Variants in MAS1 observed in about 807,000 individuals in gnomAD.
MAS1 encodes the protein proto-oncogene Mas.
For synonymous variants in MAS1, 163 were observed against 164.2 expected (o/e 0.99, Z 0.05); for missense variants, 387 against 409.7 (o/e 0.94, Z 0.48).
At position 159,907,215 on chromosome 6, in the gene MAS1, T is replaced by C. The variant is rs367886712; in HGVS notation, c.260T>C (p.Leu87Ser). The change falls in exon 3 of 3, where the codon TTG (leucine) becomes TCG (serine). Residue 87 changes from leucine (L) to serine (S), a missense_variant. Coordinates refer to ENST00000674077, the MANE Select transcript of MAS1 (RefSeq NM_002377.4). ...TCACTGCTCTTCTGTATTTTCATCT[T>C]GTCTATCGACTATGCTTTAGATTAT... ...DISLLFCIFI[L>S]SIDYALDYEL... The C allele has an allele frequency of 3.7e-6, 6 of 1,614,146 alleles. No homozygotes were observed. The African/African-American group carries it at 8.0e-5, about 22-fold the overall frequency.
In MAS1 at chr6:159,911,205, A is replaced by T. The variant is rs1782960092; in HGVS notation, c.*3272A>T. ...CTCAAATAGACATTTGCTGACCAGA[A>T]CCCTTTGCTGGGCTCCAGTCCTGTG... is the stretch of plus-strand genomic sequence containing the variant. On this transcript the variant is annotated 3_prime_UTR_variant, in exon 3 of 3. Coordinates refer to ENST00000674077, the MANE Select transcript of MAS1 (RefSeq NM_002377.4). 6.6e-6 allele frequency: 1 copy of T among 151,466 alleles called. No individual in the cohort carries two copies. Among genetic ancestry groups the T allele is most frequent in the African/African-American group, 2.4e-5 (1 of 41,122 alleles). 9.4% of individuals were successfully genotyped at this position (151,466 alleles called of 1,614,324 possible). A position where few individuals can be genotyped will look rare whatever the true frequency, so the allele number is the denominator to read the frequency against.
rs527686827 is a variant in MAS1, at chr6:159,892,139, C to T, written c.-244+1006C>T. Among the ~76,000 whole-genome samples the T allele has an allele frequency of 3.9e-5, 6 of 152,274 alleles. No individual in the cohort carries two copies. In the South Asian group the frequency reaches 8.3e-4, roughly 21 times the overall value. On this transcript the variant is annotated intron_variant, in intron 1 of 2. Transcript: ENST00000674077. ...AGGGAGCAAGAAGTCTCTGCTTCTG[C>T]GTACAGATGGCCCTAGTGTGGGGAA...
chr6:159,911,534 G>A lies in MAS1; in HGVS notation c.*3601G>A, dbSNP rs1294319664. The A allele has an allele frequency of 1.3e-5, 2 of 151,842 alleles. No homozygotes were observed. Among genetic ancestry groups the A allele is most frequent in the African/African-American group, 2.4e-5 (1 of 41,182 alleles). The allele number at this position is 151,842 out of a possible 1,614,324, so 9.4% of individuals were successfully genotyped here. A position where few individuals can be genotyped will look rare whatever the true frequency, so the allele number is the denominator to read the frequency against. On this transcript the variant is annotated 3_prime_UTR_variant, in exon 3 of 3. Coordinates refer to ENST00000674077, the MANE Select transcript of MAS1 (RefSeq NM_002377.4). ...TCTTTTTTCAGTGAAGTACACCGCTGGTCACCCTGTCCCCCTTGCTATGCT... is the reference window on the plus strand; with the variant it reads ...TCTTTTTTCAGTGAAGTACACCGCTAGTCACCCTGTCCCCCTTGCTATGCT...
chr6:159,900,871 A>T (rs1245943219), intron 2 of MAS1, among the ~76,000 whole-genome samples: 2 of 152,200 alleles, frequency 1.3e-5, no homozygotes, highest in African/African-American at 4.8e-5. Flanking sequence ...TGCAAAAAGG[A>T]TAAGGTCCTG....
chr6:159,893,871 G>A lies in MAS1; in HGVS notation c.-244+2738G>A, dbSNP rs141148414. Among the ~76,000 whole-genome samples, 169 of 152,250 alleles carry A rather than the reference G, an allele frequency of 1.1e-3. 1 individual carries two copies. The highest frequency in any genetic ancestry group is 3.8e-3 in the African/African-American group (157 of 41,542). On this transcript the variant is annotated intron_variant, in intron 1 of 2. Coordinates refer to ENST00000674077, the MANE Select transcript of MAS1 (RefSeq NM_002377.4). ...CTGAAAGGAACCAGGGCTCCTTGGAGAAATGGCTGATTCTAGGCACTAGGG... is the reference window on the plus strand; with the variant it reads ...CTGAAAGGAACCAGGGCTCCTTGGAAAAATGGCTGATTCTAGGCACTAGGG...
At position 159,916,181 on chromosome 6, in the gene MAS1, A is replaced by G. The variant is rs1323343418; in HGVS notation, c.*8248A>G. 1 of 152,284 alleles carries G rather than the reference A, an allele frequency of 6.6e-6. No individual in the cohort carries two copies. Among genetic ancestry groups the G allele is most frequent in the East Asian group, 1.9e-4 (1 of 5,204 alleles). 9.4% of individuals were successfully genotyped at this position (152,284 alleles called of 1,614,324 possible). A position where few individuals can be genotyped will look rare whatever the true frequency, so the allele number is the denominator to read the frequency against. On this transcript the variant is annotated 3_prime_UTR_variant, in exon 3 of 3. Coordinates refer to ENST00000674077, the MANE Select transcript of MAS1 (RefSeq NM_002377.4). ...CAAGGAAATTCTGTGTAAACTTTCAAGCATCAAGCAAATGTTAGTTATTTC... is the reference window on the plus strand; with the variant it reads ...CAAGGAAATTCTGTGTAAACTTTCAGGCATCAAGCAAATGTTAGTTATTTC...
At chr6:159,904,375 C>T (rs1782857868) in intron 2 of MAS1, among the ~76,000 whole-genome samples, 1 of 152,212 alleles carries the variant, frequency 6.6e-6, no homozygotes, top group Non-Finnish European at 1.5e-5. Context: ...GCCTGGCTGC[C>T]TCACAGGCTT....
rs2115120128 is a variant in MAS1 at position 159,908,342 on chromosome 6, C to T, written c.*409C>T. 1 of 155,582 alleles carries T rather than the reference C, an allele frequency of 6.4e-6. No individual in the cohort carries two copies. Among genetic ancestry groups the T allele is most frequent in the Middle Eastern group, 3.3e-3 (1 of 306 alleles). The allele number at this position is 155,582 out of a possible 1,614,324, so 9.6% of individuals were successfully genotyped here. ...AACCTCTCAGAGCCTCATTTTCTCA[C>T]TCATAAAATGGTTGCGGCAATAGTC... On this transcript the variant is annotated 3_prime_UTR_variant, in exon 3 of 3. Transcript: ENST00000674077.
At chr6:159,894,759 C>T (rs1782737012) in intron 1 of MAS1, among the ~76,000 whole-genome samples, 1 of 152,192 alleles carries the variant, frequency 6.6e-6, no homozygotes, top group Non-Finnish European at 1.5e-5. Context: ...TGAATTGCCC[C>T]CTCTGACATC....
Position 159,910,811 on chromosome 6 carries a change from C to T in MAS1, c.*2878C>T, listed in dbSNP as rs1782956726. 1 of 152,228 alleles carries T rather than the reference C, an allele frequency of 6.6e-6. No homozygotes were observed. Among genetic ancestry groups the T allele is most frequent in the South Asian group, 2.1e-4 (1 of 4,828 alleles). 9.4% of individuals were successfully genotyped at this position (152,228 alleles called of 1,614,324 possible). On this transcript the variant is annotated 3_prime_UTR_variant, in exon 3 of 3. Transcript: ENST00000674077. ...GTCCTGACTCTTGCCACAATTCACC[C>T]CTCAACATCCTGCCATTTGTCTTGC...
intron 2 of MAS1, among the ~76,000 whole-genome samples, chr6:159,901,834 C>G (rs1401304053): frequency 7.2e-6 from 1 of 138,564 alleles, no homozygotes; most frequent in African/African-American, 2.7e-5. Context: ...GCCTGGGCAA[C>G]AGAGCAAGAC....
chr6:159,905,065 T>A (rs1354853649), intron 2 of MAS1, among the ~76,000 whole-genome samples: 1 of 152,230 alleles, frequency 6.6e-6, no homozygotes, highest in Non-Finnish European at 1.5e-5. Flanking sequence ...GCTTTACTTT[T>A]TTCCATAGAA....
Position 159,900,477 on chromosome 6 carries a change from CAGTT to C in MAS1, c.-37+1086_-37+1089del, listed in dbSNP as rs1239350782. Among the ~76,000 whole-genome samples the C allele has an allele frequency of 5.9e-5, 9 of 152,180 alleles. No homozygotes were observed. The South Asian group carries it at 6.2e-4, about 10-fold the overall frequency. On this transcript the variant is annotated intron_variant, in intron 2 of 2. Coordinates refer to ENST00000674077, the MANE Select transcript of MAS1 (RefSeq NM_002377.4). ...CTATTTCACTTCAGAGACCGAAACT[CAGTT>C]GGTTGGGTAAGACTGGGAATGTGAT...
chr6:159,889,035 C>T (rs1407563703), upstream of MAS1, among the ~76,000 whole-genome samples: 1 of 152,172 alleles, frequency 6.6e-6, no homozygotes, highest in Non-Finnish European at 1.5e-5. Context: ...ACAACTGGGG[C>T]CTTCCGCCAC....
At position 159,906,489 on chromosome 6, in the gene MAS1, C is replaced by T. The variant is rs150318781; in HGVS notation, c.-36-431C>T. On this transcript the variant is annotated intron_variant, in intron 2 of 2. Coordinates refer to ENST00000674077, the MANE Select transcript of MAS1 (RefSeq NM_002377.4). Reference sequence around the variant, plus strand: ...CCAGACATGCGTTTTGTCATCAAGTCTTAATGCAGTCCACCTGGTCCCTCA... The same window carrying T: ...CCAGACATGCGTTTTGTCATCAAGTTTTAATGCAGTCCACCTGGTCCCTCA... Among the ~76,000 whole-genome samples the T allele has an allele frequency of 2.0e-5, 3 of 152,338 alleles. No homozygotes were observed. The East Asian group carries it at 5.8e-4, about 29-fold the overall frequency.
Position 159,894,238 on chromosome 6 carries a change from A to G in MAS1, c.-244+3105A>G, listed in dbSNP as rs1191053584. Reference sequence around the variant, plus strand: ...GAGCCTGCAGACTGGCCAACACGGCAAAACTCCGTTTCTACTAAAAATACC... The same window carrying G: ...GAGCCTGCAGACTGGCCAACACGGCGAAACTCCGTTTCTACTAAAAATACC... On this transcript the variant is annotated intron_variant, in intron 1 of 2. Transcript: ENST00000674077. 3.9e-5 allele frequency among the ~76,000 whole-genome samples: 6 copies of G among 151,982 alleles called. No individual in the cohort carries two copies. The East Asian group carries it at 9.6e-4, about 24-fold the overall frequency.
At position 159,917,266 on chromosome 6, in the gene MAS1, A is replaced by G. The variant is rs1305388069; in HGVS notation, c.*9333A>G. On this transcript the variant is annotated 3_prime_UTR_variant, in exon 3 of 3. Transcript: ENST00000674077. ...AAGTGGAGAAATTCTGTTTTGGATTAATCACAAGGAGATTTAAAAAACGAG... is the reference window on the plus strand; with the variant it reads ...AAGTGGAGAAATTCTGTTTTGGATTGATCACAAGGAGATTTAAAAAACGAG... Among the ~76,000 whole-genome samples the G allele has an allele frequency of 6.6e-6, 1 of 152,214 alleles. No individual in the cohort carries two copies. Among genetic ancestry groups the G allele is most frequent in the Non-Finnish European group, 1.5e-5 (1 of 68,026 alleles).
chr6:159,907,870 T>A lies in MAS1; in HGVS notation c.915T>A (p.Asp305Glu), dbSNP rs1782915940. Residue 305 changes from aspartate to glutamate, a missense_variant, in exon 3 of 3, where the codon GAT becomes GAA. Physicochemically the swap from Asp to Glu is conservative, Grantham distance 45 (BLOSUM62 2). Coordinates refer to ENST00000674077, the MANE Select transcript of MAS1 (RefSeq NM_002377.4). ...TTGTTCTGACCAGGGCTTTCAAAGA[T>A]GAAATGCAACCTCGGCGCCAGAAAG... ...LKVVLTRAFK[D>E]EMQPRRQKDN... The A allele has an allele frequency of 6.2e-7, 1 of 1,611,364 alleles. No homozygotes were observed. Among genetic ancestry groups the A allele is most frequent in the East Asian group, 2.2e-5 (1 of 44,750 alleles).
rs778220861 is a variant in MAS1 at position 159,907,855 on chromosome 6, C to G, written c.900C>G (p.Thr300=). 1 of 1,611,478 alleles carries G rather than the reference C, an allele frequency of 6.2e-7. No homozygotes were observed. Among genetic ancestry groups the G allele is most frequent in the East Asian group, 2.2e-5 (1 of 44,784 alleles). ...RFKESLKVVL[T]RAFKDEMQPR... Reference sequence around the variant, plus strand: ...AGGAGTCCTTAAAAGTTGTTCTGACCAGGGCTTTCAAAGATGAAATGCAAC... The same window carrying G: ...AGGAGTCCTTAAAAGTTGTTCTGACGAGGGCTTTCAAAGATGAAATGCAAC... The change falls in exon 3 of 3, where the codon ACC becomes ACG. Residue 300 remains threonine (T), a synonymous_variant. Transcript: ENST00000674077.
Sources: allele counts gnomAD v4.1 joint callset (sites outside exome capture counted in the v4.1 genomes callset), GRCh38; gene constraint gnomAD v4.1.1; transcripts MANE v1.5; gene names NCBI Gene and HGNC (gene_info 2026-07-23, HGNC 2026-07-21).